The following CCDC148 variants were observed in gnomAD, a reference collection of about 807,000 sequenced individuals.
The protein encoded by CCDC148 is coiled-coil domain-containing protein 148.
CCDC148 carries 89 observed loss-of-function variants against 85.7 expected under a neutral mutation model. The observed-to-expected ratio is 1.04, with a 90% confidence interval of 0.87 to 1.24. The LOEUF is 1.24. Among genes scored for constraint, CCDC148 ranks in the 50% most tolerant of loss-of-function variants. The pLI is 0.00. For missense variants in CCDC148, 692 were observed against 671.7 expected (o/e 1.03, Z -0.33); for synonymous variants, 230 against 213.9 (o/e 1.08, Z -0.66).
intron 7 of CCDC148, among the ~76,000 whole-genome samples, chr2:158,318,081 A>G (rs78106984): frequency 0.012 from 1,838 of 152,262 alleles, 16 homozygotes; most frequent in Non-Finnish European, 0.018. Context: ...TTTCTTTCCA[A>G]GACAGAACCA....
chr2:158,316,451 G>A (rs1692286754), intron 7 of CCDC148, among the ~76,000 whole-genome samples: 1 of 152,132 alleles, frequency 6.6e-6, no homozygotes, highest in Non-Finnish European at 1.5e-5. Flanking sequence ...AGCATGCCAT[G>A]AACTGTCACC....
chr2:158,234,775 A>G (rs1329087132), intron 10 of CCDC148, among the ~76,000 whole-genome samples: 1 of 152,220 alleles, frequency 6.6e-6, no homozygotes, highest in Non-Finnish European at 1.5e-5. Flanking sequence ...TCTTGTTAAA[A>G]ATAACATATA....
intron 11 of CCDC148, among the ~76,000 whole-genome samples, chr2:158,207,310 T>G (rs1289664078): frequency 1.3e-5 from 2 of 152,152 alleles, no homozygotes; most frequent in Non-Finnish European, 2.9e-5. Context: ...TTTTCTGAGG[T>G]TCAATGCTGT....
chr2:158,358,878 C>T lies in CCDC148; in HGVS notation c.26-308G>A, dbSNP rs78431261. On this transcript the variant is annotated intron_variant, in intron 1 of 13. Transcript: ENST00000283233. ...TATAATACCAAGCTACAAAGTATGA[C>T]GACTGTTAACCCATTCTTTTTATTT... Among the ~76,000 whole-genome samples, 289 of 152,054 alleles carry T rather than the reference C, an allele frequency of 1.9e-3. 4 individuals carry two copies. The highest frequency in any genetic ancestry group is 6.7e-3 in the African/African-American group (277 of 41,506).
intron 1 of CCDC148, among the ~76,000 whole-genome samples, chr2:158,415,484 C>T (rs2105318257): frequency 6.6e-6 from 1 of 152,344 alleles, no homozygotes; most frequent in Middle Eastern, 3.4e-3. Flanking sequence ...CCTCCCAAAT[C>T]TCATGTCCTT....
At chr2:158,444,821 A>C (rs1216271982) in intron 1 of CCDC148, among the ~76,000 whole-genome samples, 1 of 150,730 alleles carries the variant, frequency 6.6e-6, no homozygotes, top group Admixed American at 6.6e-5. Flanking sequence ...GATTTACAAG[A>C]AGTTGATAAA....
intron 1 of CCDC148, among the ~76,000 whole-genome samples, chr2:158,456,187 T>G (rs1303712447): frequency 6.6e-6 from 1 of 152,190 alleles, no homozygotes; most frequent in African/African-American, 2.4e-5. Flanking sequence ...TGTTGACGCT[T>G]TGGCATCTAT....
chr2:158,196,253 CTT>C (rs1374091327), intron 11 of CCDC148, among the ~76,000 whole-genome samples: 4 of 152,096 alleles, frequency 2.6e-5, no homozygotes, highest in African/African-American at 9.7e-5. Context: ...TATCTATGCT[CTT>C]GAGATAATTT....
At chr2:158,332,160 A>C (rs955434288) in intron 7 of CCDC148, among the ~76,000 whole-genome samples, 1 of 151,798 alleles carries the variant, frequency 6.6e-6, no homozygotes, top group Non-Finnish European at 1.5e-5. Flanking sequence ...GTTCCTTTCC[A>C]TGTTTAGTGT....
chr2:158,351,129 T>A (rs1470284156), intron 2 of CCDC148, among the ~76,000 whole-genome samples: 1 of 152,218 alleles, frequency 6.6e-6, no homozygotes, highest in Non-Finnish European at 1.5e-5. Context: ...TATTGCAGTT[T>A]ATACTTCGGA....
chr2:158,226,507 G>A (rs9711784), intron 10 of CCDC148, among the ~76,000 whole-genome samples: 2 of 152,124 alleles, frequency 1.3e-5, no homozygotes, highest in Non-Finnish European at 2.9e-5. Flanking sequence ...AACAAAAAAA[G>A]AGAATTTTAG....
chr2:158,180,708 T>C (rs1006740660), intron 11 of CCDC148, among the ~76,000 whole-genome samples: 3 of 151,992 alleles, frequency 2.0e-5, no homozygotes, highest in African/African-American at 7.2e-5. Flanking sequence ...CAGGGTTCCC[T>C]TAGGAAGACA....
chr2:158,286,179 A>T (rs1255444470), intron 9 of CCDC148, among the ~76,000 whole-genome samples: 1 of 152,142 alleles, frequency 6.6e-6, no homozygotes, highest in Non-Finnish European at 1.5e-5. Flanking sequence ...CAGTTTTTTT[A>T]AAGATTCTAT....
chr2:158,278,096 T>G (rs906369117), intron 9 of CCDC148, among the ~76,000 whole-genome samples: 2 of 152,172 alleles, frequency 1.3e-5, no homozygotes, highest in African/African-American at 4.8e-5. Flanking sequence ...TTTCCTTAAA[T>G]TGACTCATTT....
chr2:158,285,875 G>A (rs942720511), intron 9 of CCDC148, among the ~76,000 whole-genome samples: 2 of 152,078 alleles, frequency 1.3e-5, no homozygotes, highest in East Asian at 3.9e-4. Flanking sequence ...TCTCTTTCAG[G>A]TCAGGAACAA....
intron 7 of CCDC148, among the ~76,000 whole-genome samples, chr2:158,326,019 G>T (rs1008525914): frequency 6.6e-6 from 1 of 152,124 alleles, no homozygotes; most frequent in South Asian, 2.1e-4. Flanking sequence ...GCTCACTTCT[G>T]CTCAACACCT....
At chr2:158,260,380 C>T (rs998232928) in intron 9 of CCDC148, among the ~76,000 whole-genome samples, 2 of 152,038 alleles carry the variant, frequency 1.3e-5, no homozygotes, top group African/African-American at 4.8e-5. Context: ...TAAGAACTGT[C>T]TATGACAAAC....
chr2:158,223,444 T>A (rs990282042), intron 10 of CCDC148, among the ~76,000 whole-genome samples: 2 of 152,140 alleles, frequency 1.3e-5, no homozygotes, highest in Non-Finnish European at 2.9e-5. Flanking sequence ...GACTTAAATG[T>A]CCCTGTCTGA....
At chr2:158,209,641 GA>G (rs1686448050) in intron 11 of CCDC148, among the ~76,000 whole-genome samples, 1 of 152,168 alleles carries the variant, frequency 6.6e-6, no homozygotes, top group Non-Finnish European at 1.5e-5. Flanking sequence ...CAAGCCAGAA[GA>G]CAGAAGGGGC....
Sources: allele counts gnomAD v4.1 joint callset (sites outside exome capture counted in the v4.1 genomes callset), GRCh38; gene constraint gnomAD v4.1.1; transcripts MANE v1.5; gene names NCBI Gene and HGNC (gene_info 2026-07-23, HGNC 2026-07-21).